PPP1R13B: variants seen among roughly 807,000 people sequenced by gnomAD.
The protein encoded by PPP1R13B is protein phosphatase 1 regulatory subunit 13B, also known as apoptosis-stimulating of p53 protein 1.
Under a neutral mutation model 119.8 loss-of-function variants are expected in PPP1R13B, and 44 were observed. The ratio of observed to expected loss-of-function variants is 0.37; its 90% CI spans 0.29 to 0.47. PPP1R13B has a LOEUF of 0.47. Ranked by LOEUF, PPP1R13B falls within the 20% of genes least tolerant of loss-of-function variation. PPP1R13B has a pLI of 0.99. For synonymous variants in PPP1R13B, 542 were observed against 561.5 expected (o/e 0.97, Z 0.49); for missense variants, 1,227 against 1,413.5 (o/e 0.87, Z 2.12).
At chr14:103,822,668 C>A (rs8021682) in intron 1 of PPP1R13B, among the ~76,000 whole-genome samples, 1 of 151,626 alleles carries the variant, frequency 6.6e-6, no homozygotes, top group African/African-American at 2.4e-5. Context: ...AAAAAATTAA[C>A]CAGGTGTGGT....
At position 103,752,534 on chromosome 14, in the gene PPP1R13B, C is replaced by CTTT. The variant is rs35277937; in HGVS notation, c.828+463_828+465dup. Among the ~76,000 whole-genome samples, 738 of 126,250 alleles carry CTTT rather than the reference C, an allele frequency of 5.8e-3. 31 individuals carry two copies. The highest frequency in any genetic ancestry group is 0.026 in the East Asian group (115 of 4,480). 82.8% of individuals were successfully genotyped at this position (126,250 alleles called of 152,430 possible). On this transcript the variant is annotated intron_variant, in intron 7 of 16. Coordinates refer to ENST00000202556, the MANE Select transcript of PPP1R13B (RefSeq NM_015316.3). Reference sequence around the variant, plus strand: ...AATTGTACGCTGTGTGAATTAGATCCTTTTTTTTTTTTTTTTTTGAGACAG... The same window carrying CTTT: ...AATTGTACGCTGTGTGAATTAGATCCTTTTTTTTTTTTTTTTTTTTTGAGACAG...
At position 103,778,798 on chromosome 14, in the gene PPP1R13B, G is replaced by A. The variant is rs759732294; in HGVS notation, c.301C>T (p.Arg101Ter). 2 of 1,613,790 alleles carry A rather than the reference G, an allele frequency of 1.2e-6. No homozygotes were observed. Among genetic ancestry groups the A allele is most frequent in the Non-Finnish European group, 1.7e-6 (2 of 1,179,870 alleles). Residue 101 changes from arginine to a stop codon, truncating the protein, a stop_gained, in exon 4 of 17, where the codon CGA (arginine) becomes TGA (stop). Coordinates refer to ENST00000202556, the MANE Select transcript of PPP1R13B (RefSeq NM_015316.3). LOFTEE classifies it high-confidence loss of function. ...ACATTTATTACATTTCTCTGAGTTCGTTGCTCTTGGGTCTGACGGCCACCT... is the reference window on the plus strand; with the variant it reads ...ACATTTATTACATTTCTCTGAGTTCATTGCTCTTGGGTCTGACGGCCACCT... ...EQGGRQTQEQRTQRNVINVPG... is the reference protein window; with the variant it reads ...EQGGRQTQEQ
In PPP1R13B at chr14:103,738,004, G is replaced by GATTTC. The variant is rs1187127558; in HGVS notation, c.2865-149_2865-145dup. On this transcript the variant is annotated intron_variant, in intron 14 of 16. Transcript: ENST00000202556. This position sits in a 1 kb window ranked among gnomAD's most constrained non-coding sequence, Gnocchi z 5.6. ...CTCAGTGTTGTTTCTTTAAAGGCAG[G>GATTTC]ATTTCCATGAGCCAATTGTTTCAGA... The GATTTC allele has an allele frequency of 4.0e-6, 4 of 995,852 alleles. No homozygotes were observed. The African/African-American group carries it at 6.6e-5, about 16-fold the overall frequency. The allele number at this position is 995,852 out of a possible 1,614,324, so 61.7% of individuals were successfully genotyped here.
chr14:103,788,057 A>G (rs1176981524), intron 2 of PPP1R13B, among the ~76,000 whole-genome samples: 1 of 151,832 alleles, frequency 6.6e-6, no homozygotes, highest in Non-Finnish European at 1.5e-5. Flanking sequence ...AAGCTGCAGT[A>G]AGCCATGACT....
At chr14:103,839,054 T>C (rs1412265411) in intron 1 of PPP1R13B, among the ~76,000 whole-genome samples, 1 of 152,150 alleles carries the variant, frequency 6.6e-6, no homozygotes, top group African/African-American at 2.4e-5. Flanking sequence ...TGGAGAGCAG[T>C]GGTGCAATCT....
At chr14:103,811,232 T>C (rs2086148917) in intron 1 of PPP1R13B, among the ~76,000 whole-genome samples, 1 of 152,092 alleles carries the variant, frequency 6.6e-6, no homozygotes. Context: ...GACCTCTTAG[T>C]GGGCTCTAAA....
chr14:103,735,266 C>G (rs1319213047), intron 16 of PPP1R13B, 71 bp from the exon 17 acceptor site: 46 of 1,501,976 alleles, frequency 3.1e-5, no homozygotes, highest in Non-Finnish European at 4.2e-5. Context: ...GACCCGACCC[C>G]TGCTCCTCAC....
intron 1 of PPP1R13B, among the ~76,000 whole-genome samples, chr14:103,830,755 C>A (rs1203190435): frequency 6.6e-6 from 1 of 152,148 alleles, no homozygotes; most frequent in African/African-American, 2.4e-5. Context: ...CAGGCAAAAT[C>A]TGAAATTGTG....
chr14:103,839,530 G>A (rs1239885486), intron 1 of PPP1R13B, among the ~76,000 whole-genome samples: 1 of 151,514 alleles, frequency 6.6e-6, no homozygotes, highest in East Asian at 2.0e-4. Flanking sequence ...GAGAGGCTGA[G>A]TCAGAAGAAC....
At chr14:103,845,239 T>TACAC (rs1291732652) in intron 1 of PPP1R13B, among the ~76,000 whole-genome samples, 4 of 152,006 alleles carry the variant, frequency 2.6e-5, no homozygotes, top group African/African-American at 4.8e-5. Context: ...CATTTTTGGA[T>TACAC]AGTTTAAAAT....
intron 2 of PPP1R13B, among the ~76,000 whole-genome samples, chr14:103,793,644 CATCTTGT>C (rs1389147469): frequency 1.3e-5 from 2 of 151,846 alleles, no homozygotes; most frequent in African/African-American, 2.4e-5. Flanking sequence ...ACCTAATTAG[CATCTTGT>C]ATAATGGAAA....
upstream of PPP1R13B, chr14:103,848,453 G>T (rs151278042): frequency 2.0e-5 from 20 of 985,476 alleles, no homozygotes; most frequent in South Asian, 7.0e-4. Context: ...AGGCTGCCAG[G>T]GGGGTAGGCA....
chr14:103,782,613 A>G (rs1166948880), intron 3 of PPP1R13B, among the ~76,000 whole-genome samples: 2 of 152,218 alleles, frequency 1.3e-5, no homozygotes, highest in Non-Finnish European at 2.9e-5. Flanking sequence ...CCTGTTTCTC[A>G]GAGTCCTTGT....
chr14:103,843,083 G>A (rs745448189), intron 1 of PPP1R13B, among the ~76,000 whole-genome samples: 2 of 152,076 alleles, frequency 1.3e-5, no homozygotes, highest in Non-Finnish European at 2.9e-5. Context: ...AAAAAGAAAC[G>A]ATGCTGAGCT....
At chr14:103,848,495 G>C, upstream of PPP1R13B, 1 of 985,450 alleles carries the variant, frequency 1.0e-6, no homozygotes, top group Non-Finnish European at 1.2e-6. Context: ...GGTGCCATTC[G>C]CCCGGACCGC....
chr14:103,766,848 G>A (rs554558214), intron 4 of PPP1R13B, among the ~76,000 whole-genome samples: 21 of 152,112 alleles, frequency 1.4e-4, no homozygotes, highest in African/African-American at 4.6e-4. Flanking sequence ...CTCATGATCC[G>A]CCAGATCAAA....
At chr14:103,753,324 A>C in intron 6 of PPP1R13B, 128 bp from the exon 7 acceptor site, 1 of 888,384 alleles carries the variant, frequency 1.1e-6, no homozygotes, top group Non-Finnish European at 1.7e-6. Flanking sequence ...GATATGCAGA[A>C]TCCACAACAC....
In PPP1R13B at chr14:103,736,120, C is replaced by T. The variant is rs1414775822; in HGVS notation, c.3114G>A (p.Leu1038=). ...WDYEAQNSDE[L]SFHEGDALTI... ...TGAGGGCGTCCCCTTCGTGGAAGGA[C>T]AGCTCGTCACTGTTCTGGGCCTCGT... is the stretch of plus-strand genomic sequence containing the variant. The change falls in exon 16 of 17, where the codon CTG becomes CTA. Residue 1038 remains leucine (L), a synonymous_variant. Transcript: ENST00000202556. 2 of 1,614,228 alleles carry T rather than the reference C, an allele frequency of 1.2e-6. No homozygotes were observed. The highest frequency in any genetic ancestry group is 1.6e-4 in the Middle Eastern group (1 of 6,062).
intron 2 of PPP1R13B, among the ~76,000 whole-genome samples, chr14:103,791,124 CTTTT>C (rs74264751): frequency 6.9e-6 from 1 of 145,000 alleles, no homozygotes; most frequent in Non-Finnish European, 1.5e-5. Context: ...CTTTTTTCTT[CTTTT>C]TTTTTTTTTA....
Sources: allele counts gnomAD v4.1 joint callset (sites outside exome capture counted in the v4.1 genomes callset), GRCh38; gene constraint gnomAD v4.1.1; non-coding constraint Gnocchi (gnomAD v3.1); transcripts MANE v1.5; gene names NCBI Gene and HGNC (gene_info 2026-07-23, HGNC 2026-07-21).